Variants in PHLDB2 observed in about 807,000 individuals in gnomAD.
PHLDB2 encodes the protein pleckstrin homology-like domain family B member 2.
In PHLDB2, 71 loss-of-function variants were observed where a neutral mutation model predicts 123.6. That is an observed-to-expected ratio of 0.57 (90% CI 0.47 to 0.70). The LOEUF (loss-of-function observed/expected upper bound fraction) is 0.70, where lower values mean the gene tolerates loss of function less well. Among genes scored for constraint, PHLDB2 ranks in the 30% least tolerant of loss-of-function variants. The pLI is 0.00. For synonymous variants in PHLDB2, 547 were observed against 541.6 expected (o/e 1.01, Z -0.14); for missense variants, 1,446 against 1,519.5 (o/e 0.95, Z 0.80).
chr3:111,837,430 G>C (rs1331906095), intron 1 of PHLDB2, among the ~76,000 whole-genome samples: 2 of 152,138 alleles, frequency 1.3e-5, no homozygotes, highest in African/African-American at 4.8e-5. Flanking sequence ...CTCTCTCAAA[G>C]TCGTGCTCTT....
intron 6 of PHLDB2, among the ~76,000 whole-genome samples, chr3:111,934,665 T>C (rs2069358615): frequency 6.6e-6 from 1 of 152,236 alleles, no homozygotes; most frequent in African/African-American, 2.4e-5. Flanking sequence ...TTGTGGCCTG[T>C]GGTTGGTATG....
intron 10 of PHLDB2, 80 bp downstream of exon 10, chr3:111,949,155 C>G: frequency 2.0e-6 from 3 of 1,510,956 alleles, no homozygotes; most frequent in Non-Finnish European, 2.7e-6. Flanking sequence ...AAAATGAGGT[C>G]CACGAGAACG....
intron 15 of PHLDB2, among the ~76,000 whole-genome samples, chr3:111,969,046 T>C (rs1185291822): frequency 2.0e-5 from 3 of 152,208 alleles, no homozygotes; most frequent in Non-Finnish European, 4.4e-5. Context: ...ATCAGTAACA[T>C]AAAAGACATC....
chr3:111,956,981 C>T (rs932206560), intron 12 of PHLDB2: 1 of 152,194 alleles, frequency 6.6e-6, no homozygotes, highest in Non-Finnish European at 1.5e-5. Context: ...AACTTAAATA[C>T]ACCTTTTTTT....
intron 1 of PHLDB2, among the ~76,000 whole-genome samples, chr3:111,824,978 T>C (rs1380852365): frequency 6.6e-6 from 1 of 152,226 alleles, no homozygotes; most frequent in Non-Finnish European, 1.5e-5. Context: ...ATATTATCTC[T>C]TAATGGCCTC....
chr3:111,791,454 T>A (rs1179891054), intron 1 of PHLDB2, among the ~76,000 whole-genome samples: 1 of 152,188 alleles, frequency 6.6e-6, no homozygotes, highest in Admixed American at 6.5e-5. Flanking sequence ...AGTATCTTTG[T>A]TGAGGCAGCA....
rs1172946023 is a variant in PHLDB2 at position 111,911,681 on chromosome 3, C to T, written c.1336-1638C>T. 2.4e-5 allele frequency: 37 copies of T among 1,536,102 alleles called. No individual in the cohort carries two copies. In the East Asian group the frequency reaches 4.6e-4, roughly 19 times the overall value. On this transcript the variant is annotated intron_variant, in intron 2 of 17. Coordinates refer to ENST00000431670, the MANE Select transcript of PHLDB2 (RefSeq NM_001134438.2). ...CTGCCGTGGGAAGAGGCCATGAGGACGGAGCTGCAGCTGGAGTCCAGAAGT... is the reference window on the plus strand; with the variant it reads ...CTGCCGTGGGAAGAGGCCATGAGGATGGAGCTGCAGCTGGAGTCCAGAAGT...
intron 1 of PHLDB2, among the ~76,000 whole-genome samples, chr3:111,814,766 C>T (rs1244601242): frequency 1.3e-5 from 2 of 151,980 alleles, no homozygotes; most frequent in African/African-American, 4.8e-5. Context: ...CTTACAAGCA[C>T]AAAGAGAGGG....
Position 111,780,399 on chromosome 3 carries a change from A to AGAAGAAGAAGAAGAAGAAGGAAG in PHLDB2, c.-49+47708_-49+47709insGAAGAAGGAAGGAAGAAGAAGAA, listed in dbSNP as rs1553726797. 2.7e-5 allele frequency among the ~76,000 whole-genome samples: 2 copies of AGAAGAAGAAGAAGAAGAAGGAAG among 74,364 alleles called. 1 individual carries two copies. The highest frequency in any genetic ancestry group is 5.8e-5 in the Non-Finnish European group (2 of 34,326). The allele number at this position is 74,364 out of a possible 152,430, so 48.8% of individuals were successfully genotyped here. On this transcript the variant is annotated intron_variant, in intron 1 of 17. Coordinates refer to the PHLDB2 transcript ENST00000393923. ...AAGAAGAAGAAGAAGAAGAAGAAGA[A>AGAAGAAGAAGAAGAAGAAGGAAG]GAAGAAGAAGAAAAAGATTAGTTCG...
At chr3:111,795,938 C>T (rs1334808571) in intron 1 of PHLDB2, among the ~76,000 whole-genome samples, 2 of 152,144 alleles carry the variant, frequency 1.3e-5, no homozygotes, top group Non-Finnish European at 2.9e-5. Flanking sequence ...ACTCTGTTGC[C>T]CAGGCTGGAG....
At chr3:111,905,106 G>A (rs2067435606) in intron 2 of PHLDB2, among the ~76,000 whole-genome samples, 1 of 152,124 alleles carries the variant, frequency 6.6e-6, no homozygotes, top group African/African-American at 2.4e-5. Flanking sequence ...TCTGTTAAAT[G>A]GGGATTAGAA....
At chr3:111,898,463 G>A (rs545990996) in intron 2 of PHLDB2, among the ~76,000 whole-genome samples, 34 of 152,200 alleles carry the variant, frequency 2.2e-4, no homozygotes, top group Middle Eastern at 6.8e-3. Context: ...GATTACAGGT[G>A]TGAGCCACCG....
chr3:111,842,165 T>C (rs2063723754), intron 1 of PHLDB2, among the ~76,000 whole-genome samples: 1 of 152,250 alleles, frequency 6.6e-6, no homozygotes, highest in South Asian at 2.1e-4. Context: ...TTATAACTGC[T>C]CAAATATAAT....
intron 2 of PHLDB2, among the ~76,000 whole-genome samples, chr3:111,853,950 C>T (rs549584133): frequency 6.6e-6 from 1 of 152,202 alleles, no homozygotes. Flanking sequence ...ACTCAAATTA[C>T]TTGGCTATTG....
intron 1 of PHLDB2, among the ~76,000 whole-genome samples, chr3:111,788,607 A>C (rs2060788231): frequency 6.6e-6 from 1 of 152,224 alleles, no homozygotes; most frequent in African/African-American, 2.4e-5. Context: ...GTAAGATTGA[A>C]ATAGCTAAAC....
Position 111,940,450 on chromosome 3 carries a change from A to G in PHLDB2, c.2287-85A>G, listed in dbSNP as rs1046387569. On this transcript the variant is annotated intron_variant, in intron 7 of 17. Transcript: ENST00000431670. Reference sequence around the variant, plus strand: ...AGTCACTGTTATTCCAGTGGTGAAAATTTTTTTCTCCCTTTTCTAGGACAG... The same window carrying G: ...AGTCACTGTTATTCCAGTGGTGAAAGTTTTTTTCTCCCTTTTCTAGGACAG... 4 of 684,524 alleles carry G rather than the reference A, an allele frequency of 5.8e-6. No homozygotes were observed. The East Asian group carries it at 1.2e-4, about 20-fold the overall frequency. The allele number at this position is 684,524 out of a possible 1,614,324, so 42.4% of individuals were successfully genotyped here. A position where few individuals can be genotyped will look rare whatever the true frequency, so the allele number is the denominator to read the frequency against.
chr3:111,966,509 G>C, intron 13 of PHLDB2, 104 bp from the exon 14 acceptor site: 1 of 552,664 alleles, frequency 1.8e-6, no homozygotes, highest in South Asian at 2.7e-5. Flanking sequence ...CCATGTGTGT[G>C]TGTGTGTGTG....
intron 1 of PHLDB2, among the ~76,000 whole-genome samples, chr3:111,834,761 C>T (rs990843250): frequency 7.2e-5 from 11 of 152,136 alleles, no homozygotes; most frequent in African/African-American, 2.4e-4. Context: ...TAGACTCAAA[C>T]CCAGCCAATC....
intron 1 of PHLDB2, among the ~76,000 whole-genome samples, chr3:111,804,459 TAAAG>T (rs1414276929): frequency 2.0e-5 from 3 of 152,164 alleles, no homozygotes; most frequent in Non-Finnish European, 4.4e-5. Flanking sequence ...CTGTTAGAAA[TAAAG>T]AAAGAAGCCT....
Sources: gnomAD v4.1 joint callset for allele counts (sites outside exome capture counted in the v4.1 genomes callset) on GRCh38, gnomAD v4.1.1 for gene constraint, MANE v1.5 for transcripts, NCBI Gene and HGNC (gene_info 2026-07-23, HGNC 2026-07-21) for gene names.